DHX36: variants seen among roughly 807,000 people sequenced by gnomAD.
DHX36 encodes the protein ATP-dependent DNA/RNA helicase DHX36.
Under a neutral mutation model 139.0 loss-of-function variants are expected in DHX36, and 50 were observed. The ratio of observed to expected loss-of-function variants is 0.36; its 90% CI spans 0.29 to 0.46. DHX36 has a LOEUF of 0.46. DHX36 is among the 20% of genes least tolerant of loss of function. The probability of loss-of-function intolerance (pLI) is 1.00; values close to 1 mark genes in which losing one functional copy is unlikely to be tolerated. For synonymous variants in DHX36, 425 were observed against 401.9 expected, an observed-to-expected ratio of 1.06 and a Z score of -0.69; for missense variants, 1,024 against 1,211.3, an observed-to-expected ratio of 0.85 and a Z score of 2.29.
At chr3:154,313,544 C>T (rs1712850878) in intron 3 of DHX36, among the ~76,000 whole-genome samples, 1 of 152,010 alleles carries the variant, frequency 6.6e-6, no homozygotes, top group South Asian at 2.1e-4. Flanking sequence ...ACCAGGCGTA[C>T]TGGCACATGC....
Position 154,276,220 on chromosome 3 carries a change from G to A in DHX36, c.2978C>T (p.Ala993Val). The stretch of plus-strand genomic sequence containing the variant: ...TCGTGGCGGAAAGTTCCTGGGAGTT[G>A]CCTTTTCCTGTGTTTTGATCAAGTC... ...IIDLIKTQEK[A>V]TPRNFPPRFQ... is the part of the protein sequence containing the mutation. Residue 993 changes from alanine (A) to valine (V), a missense_variant, in exon 25 of 25, where the codon GCA (alanine) becomes GTA (valine). Around this residue, in one of 4 missense-constraint regions of DHX36, gnomAD observed 470 missense variants for 616.2 expected, o/e 0.76. Transcript: ENST00000496811. 1 of 1,613,050 alleles carries A rather than the reference G, an allele frequency of 6.2e-7. No homozygotes were observed. The highest frequency in any genetic ancestry group is 1.7e-4 in the Middle Eastern group (1 of 6,060).
rs186222755 is a variant in DHX36, at chr3:154,302,510, C to G, written c.1217+819G>C. Among the ~76,000 whole-genome samples, 6 of 152,248 alleles carry G rather than the reference C, an allele frequency of 3.9e-5. No homozygotes were observed. In the East Asian group the frequency reaches 1.2e-3, roughly 29 times the overall value. ...TCAAGGCATCTGTGGTACTAGAATA[C>G]TATTGAGCAGAAAGCCAGTTCGAAG... is the stretch of plus-strand genomic sequence containing the variant. On this transcript the variant is annotated intron_variant, in intron 9 of 24. Transcript: ENST00000496811.
At chr3:154,298,492 T>C (rs1449875661) in intron 12 of DHX36, among the ~76,000 whole-genome samples, 3 of 152,356 alleles carry the variant, frequency 2.0e-5, no homozygotes, top group African/African-American at 4.8e-5. Flanking sequence ...CAAAATACTT[T>C]GCAAGCTAGA....
At chr3:154,280,535 AAGAAG>A (rs1719299479) in intron 22 of DHX36, 39 bp downstream of exon 22, 1 of 1,408,196 alleles carries the variant, frequency 7.1e-7, no homozygotes, top group South Asian at 1.2e-5. Context: ...TCAAAAGTTT[AAGAAG>A]AGAATTACGA....
intron 22 of DHX36, 43 bp from the exon 23 acceptor site, chr3:154,277,761 C>G: frequency 6.6e-7 from 1 of 1,515,908 alleles, no homozygotes; most frequent in Non-Finnish European, 8.9e-7. Context: ...AAGAAGTCTT[C>G]TAGAGGATTT....
At chr3:154,285,314 A>G (rs1197169606) in intron 17 of DHX36, among the ~76,000 whole-genome samples, 2 of 152,232 alleles carry the variant, frequency 1.3e-5, no homozygotes, top group Non-Finnish European at 2.9e-5. Flanking sequence ...CAAAAGATAC[A>G]CTATTATACA....
chr3:154,323,334 TA>T (rs879266652), intron 1 of DHX36, among the ~76,000 whole-genome samples: 382 of 143,802 alleles, frequency 2.7e-3, no homozygotes, highest in East Asian at 7.2e-3. Flanking sequence ...GACCCTGTCT[TA>T]AAAAAAAAAA....
chr3:154,300,515 G>C, intron 11 of DHX36, 79 bp downstream of exon 11: 1 of 1,139,996 alleles, frequency 8.8e-7, no homozygotes, highest in Non-Finnish European at 1.3e-6. Context: ...AAGCATTTAA[G>C]AAAACTGTAT....
intron 4 of DHX36, among the ~76,000 whole-genome samples, chr3:154,310,045 G>A (rs1576877750): frequency 6.6e-6 from 1 of 152,110 alleles, no homozygotes; most frequent in East Asian, 1.9e-4. Flanking sequence ...CACTGTTAAA[G>A]AAAAACATAT....
chr3:154,310,515 G>T (rs2108360073), intron 4 of DHX36, among the ~76,000 whole-genome samples: 1 of 151,346 alleles, frequency 6.6e-6, no homozygotes, highest in East Asian at 2.0e-4. Flanking sequence ...GGGCATGGTG[G>T]CTCATGCCTA....
intron 10 of DHX36, 30 bp downstream of exon 10, chr3:154,300,957 A>T: frequency 1.2e-6 from 2 of 1,605,354 alleles, no homozygotes. Context: ...TTAGCCACTG[A>T]TTTCTCACCT....
chr3:154,284,993 A>C lies in DHX36; in HGVS notation c.2032-6T>G. 6.2e-7 allele frequency: 1 copy of C among 1,614,064 alleles called. No individual in the cohort carries two copies. Among genetic ancestry groups the C allele is most frequent in the Non-Finnish European group, 8.5e-7 (1 of 1,179,974 alleles). ...TCTTGTTTATCCAAAGCGTTCTGTA[A>C]AGGAAGAGTGTGTGTTTAAAATAGA... On this transcript the variant is annotated splice_polypyrimidine_tract_variant and splice_region_variant and intron_variant, in intron 17 of 24. Transcript: ENST00000496811.
intron 22 of DHX36, chr3:154,278,495 G>A (rs891678080): frequency 1.8e-5 from 1 of 56,378 alleles, no homozygotes; most frequent in Non-Finnish European, 3.6e-5. Flanking sequence ...TTTTTTTTTT[G>A]AGACGGAGTC....
At chr3:154,287,606 G>A (rs1197066042) in intron 17 of DHX36, among the ~76,000 whole-genome samples, 5 of 151,962 alleles carry the variant, frequency 3.3e-5, no homozygotes, top group African/African-American at 4.8e-5. Context: ...GCAGTGAGCC[G>A]AGATCATGCC....
chr3:154,291,059 C>T lies in DHX36; in HGVS notation c.1815-1233G>A, dbSNP rs897961903. ...CTGAGGCAGGAGAATGGCGTGAACCCGGGAGGCGGAGCTTGCAGTGAGCCG... is the reference window on the plus strand; with the variant it reads ...CTGAGGCAGGAGAATGGCGTGAACCTGGGAGGCGGAGCTTGCAGTGAGCCG... On this transcript the variant is annotated intron_variant, in intron 15 of 24. Transcript: ENST00000496811. Among the ~76,000 whole-genome samples, 7 of 126,622 alleles carry T rather than the reference C, an allele frequency of 5.5e-5. No homozygotes were observed. The East Asian group carries it at 1.0e-3, about 19-fold the overall frequency. The allele number at this position is 126,622 out of a possible 152,430, so 83.1% of individuals were successfully genotyped here.
At chr3:154,301,153 C>A in intron 9 of DHX36, 26 bp from the exon 10 acceptor site, 1 of 1,557,540 alleles carries the variant, frequency 6.4e-7, no homozygotes, top group East Asian at 2.3e-5. Flanking sequence ...TCTTGAATAT[C>A]TTCACTTTTT....
At chr3:154,298,309 A>G (rs1042979481) in intron 12 of DHX36, among the ~76,000 whole-genome samples, 5 of 152,192 alleles carry the variant, frequency 3.3e-5, no homozygotes, top group African/African-American at 1.2e-4. Flanking sequence ...AGTACACTAT[A>G]CAATAATGTT....
In DHX36 at chr3:154,284,568, A is replaced by AT. The variant is rs200020002; in HGVS notation, c.2292+14dup. On this transcript the variant is annotated intron_variant, in intron 19 of 24. Transcript: ENST00000496811. ...ATAAACTATCATAATCCAGGACAAAATTTTTTTTTTTTACCTCAAACGCAT... is the reference window on the plus strand; with the variant it reads ...ATAAACTATCATAATCCAGGACAAAATTTTTTTTTTTTTACCTCAAACGCAT... 315,218 of 1,292,766 alleles carry AT rather than the reference A, an allele frequency of 0.24. 8,470 individuals carry two copies. Among genetic ancestry groups the AT allele is most frequent in the South Asian group, 0.27 (18,832 of 69,728 alleles). The allele number at this position is 1,292,766 out of a possible 1,614,324, so 80.1% of individuals were successfully genotyped here.
chr3:154,284,476 C>T (rs972347210), intron 19 of DHX36, 107 bp downstream of exon 19: 13 of 1,004,376 alleles, frequency 1.3e-5, no homozygotes, highest in South Asian at 3.5e-5. Context: ...CCACCGCGCC[C>T]GGCCTTATAA....
Sources: gnomAD v4.1 joint callset for allele counts (sites outside exome capture counted in the v4.1 genomes callset) on GRCh38, gnomAD v4.1.1 for gene constraint, gnomAD v4.1.1 regional missense constraint, MANE v1.5 for transcripts, NCBI Gene and HGNC (gene_info 2026-07-23, HGNC 2026-07-21) for gene names.